The following SKIC3 variants were observed in gnomAD, a reference collection of about 807,000 sequenced individuals.
SKIC3 encodes the protein SKI3 subunit of superkiller complex.
the SKIC3 span, chr5:95,498,543 A>G: frequency 1.2e-6 from 2 of 1,614,022 alleles, no homozygotes; most frequent in Non-Finnish European, 8.5e-7. Context: ...CCAACCCTAG[A>G]GCACACAGGG....
chr5:95,543,084 A>G, the SKIC3 span: 1 of 1,395,708 alleles, frequency 7.2e-7, no homozygotes, highest in Non-Finnish European at 9.8e-7. Context: ...CATGGGGCAA[A>G]TGTAGGTTTA....
At chr5:95,499,902 T>C in the SKIC3 span, among the ~76,000 whole-genome samples, 1 of 152,154 alleles carries the variant, frequency 6.6e-6, no homozygotes, top group Non-Finnish European at 1.5e-5. Flanking sequence ...AATTCATTAA[T>C]GTTTAGGAAT....
the SKIC3 span, among the ~76,000 whole-genome samples, chr5:95,478,069 A>G: frequency 1.3e-5 from 2 of 152,180 alleles, no homozygotes; most frequent in African/African-American, 4.8e-5. Flanking sequence ...TTAAAACTGT[A>G]ATCTTTTTTC....
chr5:95,483,425 T>C, the SKIC3 span, among the ~76,000 whole-genome samples: 120 of 152,310 alleles, frequency 7.9e-4, no homozygotes, highest in South Asian at 7.2e-3. Context: ...AAAGGTTCAT[T>C]AGGCATCACT....
At chr5:95,466,514 T>C in the SKIC3 span, among the ~76,000 whole-genome samples, 6 of 152,066 alleles carry the variant, frequency 3.9e-5, no homozygotes, top group African/African-American at 1.4e-4. Flanking sequence ...ACAATCTCAG[T>C]AGGTTGAGTT....
the SKIC3 span, among the ~76,000 whole-genome samples, chr5:95,464,935 T>TTTTTTA: frequency 2.3e-4 from 34 of 147,094 alleles, no homozygotes; most frequent in African/African-American, 8.3e-4. Flanking sequence ...TTTTTTTTTT[T>TTTTTTA]TTTTTTTTGG....
At chr5:95,528,809 G>A in the SKIC3 span, 17 of 592,026 alleles carry the variant, frequency 2.9e-5, no homozygotes, top group Non-Finnish European at 4.8e-5. Context: ...AACATTCATT[G>A]TCAGTTTAAA....
the SKIC3 span, chr5:95,490,850 T>C: frequency 6.2e-7 from 1 of 1,605,196 alleles, no homozygotes; most frequent in Non-Finnish European, 8.5e-7. Context: ...GTATTCTGGA[T>C]TTAACCATTC....
At chr5:95,480,167 T>C in the SKIC3 span, among the ~76,000 whole-genome samples, 14 of 152,164 alleles carry the variant, frequency 9.2e-5, no homozygotes, top group Non-Finnish European at 1.8e-4. Context: ...AAAAACTTCA[T>C]GAACCTAGAG....
the SKIC3 span, among the ~76,000 whole-genome samples, chr5:95,551,110 A>C: frequency 6.6e-6 from 1 of 152,144 alleles, no homozygotes; most frequent in East Asian, 1.9e-4. Context: ...AAGGAGTATA[A>C]TATAATACAA....
the SKIC3 span, chr5:95,550,736 CA>C: frequency 6.6e-6 from 1 of 152,364 alleles, no homozygotes; most frequent in Non-Finnish European, 1.5e-5. Flanking sequence ...TTTAACGCAT[CA>C]ATTTTCATAA....
the SKIC3 span, chr5:95,478,415 C>T: frequency 1.2e-6 from 2 of 1,613,754 alleles, no homozygotes; most frequent in Admixed American, 1.7e-5. Context: ...CTCATCATTC[C>T]TTGGGATTGA....
At chr5:95,550,003 T>C in the SKIC3 span, among the ~76,000 whole-genome samples, 3 of 152,036 alleles carry the variant, frequency 2.0e-5, no homozygotes, top group African/African-American at 7.2e-5. Context: ...GTCTTTAATA[T>C]TCTTCCACAA....
the SKIC3 span, among the ~76,000 whole-genome samples, chr5:95,538,612 T>C: frequency 2.0e-5 from 3 of 152,122 alleles, no homozygotes; most frequent in Non-Finnish European, 4.4e-5. Context: ...TAATAAGACA[T>C]TAAGTTGACT....
the SKIC3 span, among the ~76,000 whole-genome samples, chr5:95,519,390 A>C: frequency 6.6e-6 from 1 of 152,064 alleles, no homozygotes; most frequent in African/African-American, 2.4e-5. Flanking sequence ...TTTTCTACTC[A>C]TGGAGTCCAG....
chr5:95,542,527 C>T, the SKIC3 span, among the ~76,000 whole-genome samples: 1 of 152,160 alleles, frequency 6.6e-6, no homozygotes, highest in African/African-American at 2.4e-5. Context: ...TGAAAATTGT[C>T]ATTTTTGCAT....
At chr5:95,504,970 A>C in the SKIC3 span, among the ~76,000 whole-genome samples, 20 of 152,234 alleles carry the variant, frequency 1.3e-4, no homozygotes, top group African/African-American at 4.6e-4. Context: ...GCATCACTGC[A>C]CTCCAGCCTG....
At chr5:95,484,716 T>C in the SKIC3 span, 1 of 1,614,092 alleles carries the variant, frequency 6.2e-7, no homozygotes, top group Non-Finnish European at 8.5e-7. Flanking sequence ...GCACATTCCA[T>C]AAAATACCTT....
chr5:95,495,017 C>T, the SKIC3 span: 23 of 1,613,522 alleles, frequency 1.4e-5, no homozygotes, highest in South Asian at 1.9e-4. Flanking sequence ...ACAACACCTC[C>T]CTAGAACAGA....
Sources: allele counts gnomAD v4.1 joint callset (sites outside exome capture counted in the v4.1 genomes callset), GRCh38; gene constraint gnomAD v4.1.1; transcripts MANE v1.5; gene names NCBI Gene and HGNC (gene_info 2026-07-23, HGNC 2026-07-21).